The following GRIK4 variants were observed in gnomAD, a reference collection of about 807,000 sequenced individuals.
The protein encoded by GRIK4 is glutamate receptor ionotropic, kainate 4.
A neutral mutation model predicts 104.9 loss-of-function variants in GRIK4; 40 were observed. That is an observed-to-expected ratio of 0.38 (90% CI 0.30 to 0.50). GRIK4 has a LOEUF of 0.50. Ranked by LOEUF, GRIK4 falls within the 20% of genes least tolerant of loss-of-function variation. The pLI, the probability that GRIK4 is intolerant of heterozygous loss-of-function variation, is 0.93. For missense variants in GRIK4, 1,047 were observed against 1,308.1 expected (o/e 0.80, Z 3.08); for synonymous variants, 485 against 524.9 (o/e 0.92, Z 1.04).
At position 120,833,291 on chromosome 11, in the gene GRIK4, GACAC is replaced by G. The variant is rs35508124; in HGVS notation, c.690+1280_690+1283del. On this transcript the variant is annotated intron_variant, in intron 7 of 20. Coordinates refer to ENST00000527524, the MANE Select transcript of GRIK4 (RefSeq NM_014619.5). ...TCTTTCTCTCTCTCTCTTTCTCTCT[GACAC>G]ACACACACACACACACACGGAAACA... 6.0e-4 allele frequency among the ~76,000 whole-genome samples: 90 copies of G among 149,596 alleles called. 1 individual carries two copies. The highest frequency in any genetic ancestry group is 1.8e-3 in the African/African-American group (72 of 40,780).
At chr11:120,963,309 G>A (rs939495938) in intron 18 of GRIK4, among the ~76,000 whole-genome samples, 5 of 152,206 alleles carry the variant, frequency 3.3e-5, no homozygotes, top group African/African-American at 1.2e-4. Flanking sequence ...GGATAGAGAC[G>A]TTTGGCTTCC....
At position 120,947,077 on chromosome 11, in the gene GRIK4, A is replaced by G. The variant is rs575358234; in HGVS notation, c.1591-5778A>G. The stretch of plus-strand genomic sequence containing the variant: ...CTCTTAGCTAGAGTCTTCTTTCTCA[A>G]GAAAAAGAAAAATCAGACAGTGTTT... On this transcript the variant is annotated intron_variant, in intron 14 of 20. Transcript: ENST00000527524. Among the ~76,000 whole-genome samples the G allele has an allele frequency of 8.5e-5, 13 of 152,276 alleles. No individual in the cohort carries two copies. In the South Asian group the frequency reaches 2.7e-3, roughly 32 times the overall value.
At chr11:120,974,353 C>T (rs1485746316) in intron 19 of GRIK4, among the ~76,000 whole-genome samples, 3 of 152,068 alleles carry the variant, frequency 2.0e-5, no homozygotes, top group African/African-American at 4.8e-5. Context: ...TTGGCTTTCA[C>T]GTGTGCCTAA....
At chr11:120,891,120 G>A (rs1955277674) in intron 11 of GRIK4, among the ~76,000 whole-genome samples, 1 of 152,208 alleles carries the variant, frequency 6.6e-6, no homozygotes, top group African/African-American at 2.4e-5. Flanking sequence ...AGAGCTGTGA[G>A]CAGGCAGGAT....
intron 3 of GRIK4, among the ~76,000 whole-genome samples, chr11:120,730,878 A>G (rs1465158307): frequency 2.6e-5 from 4 of 152,196 alleles, no homozygotes; most frequent in Admixed American, 2.6e-4. Flanking sequence ...CAGTGCTGGC[A>G]TATAGAAATA....
rs139179030 is a variant in GRIK4, at chr11:120,761,980, G to A, written c.83-40713G>A. Among the ~76,000 whole-genome samples the A allele has an allele frequency of 5.7e-3, 864 of 152,186 alleles. 3 individuals carry two copies. Among genetic ancestry groups the A allele is most frequent in the Non-Finnish European group, 9.1e-3 (620 of 68,012 alleles). On this transcript the variant is annotated intron_variant, in intron 3 of 20. Transcript: ENST00000527524. ...ATTTAAAGTAATTTTTTCTAATTCT[G>A]TGAAGAAAGTCAATGGTGGCTTGAT...
chr11:120,527,415 A>G (rs1591674928), intron 1 of GRIK4, among the ~76,000 whole-genome samples: 1 of 152,286 alleles, frequency 6.6e-6, no homozygotes, highest in Non-Finnish European at 1.5e-5. Context: ...AAAACCCCTC[A>G]GGGCAGACCC....
At chr11:120,732,494 A>G (rs1349362696) in intron 3 of GRIK4, among the ~76,000 whole-genome samples, 3 of 152,136 alleles carry the variant, frequency 2.0e-5, no homozygotes, top group African/African-American at 7.2e-5. Context: ...TTATTTTTTA[A>G]TGAGGCACCT....
chr11:120,780,086 C>T (rs1952122726), intron 3 of GRIK4, among the ~76,000 whole-genome samples: 1 of 152,216 alleles, frequency 6.6e-6, no homozygotes, highest in Non-Finnish European at 1.5e-5. Flanking sequence ...CCTAGATTAT[C>T]ATGAGATACA....
intron 3 of GRIK4, among the ~76,000 whole-genome samples, chr11:120,755,986 G>A (rs916141249): frequency 7.9e-5 from 12 of 152,152 alleles, no homozygotes; most frequent in African/African-American, 2.9e-4. Context: ...TAGGACAGAG[G>A]TGTTCTGTCT....
intron 7 of GRIK4, 115 bp downstream of exon 7, chr11:120,832,145 A>C: frequency 1.6e-6 from 1 of 624,644 alleles, no homozygotes; most frequent in Non-Finnish European, 2.7e-6. Context: ...CTGAACTCTT[A>C]CAAACCTCTC....
intron 1 of GRIK4, among the ~76,000 whole-genome samples, chr11:120,516,665 A>AG (rs1376254195): frequency 6.6e-6 from 1 of 152,044 alleles, no homozygotes; most frequent in Non-Finnish European, 1.5e-5. Context: ...GTGAGGCGAA[A>AG]GGGGGGTAAG....
intron 8 of GRIK4, among the ~76,000 whole-genome samples, chr11:120,851,923 GC>G (rs1462682225): frequency 1.3e-5 from 2 of 152,230 alleles, no homozygotes; most frequent in Admixed American, 1.3e-4. Context: ...AGCTGGGGGT[GC>G]CTGGGATCTC....
At chr11:120,587,104 C>T (rs910633157) in intron 1 of GRIK4, among the ~76,000 whole-genome samples, 3 of 152,176 alleles carry the variant, frequency 2.0e-5, no homozygotes, top group Non-Finnish European at 4.4e-5. Context: ...GTCTCTTTCT[C>T]TCTCTGTATG....
chr11:120,753,816 A>G (rs2156763), intron 3 of GRIK4, among the ~76,000 whole-genome samples: 13,295 of 152,200 alleles, frequency 0.087, 1,318 homozygotes, highest in African/African-American at 0.25. Context: ...CATAACATAT[A>G]ATGCACCCAT....
At chr11:120,645,782 G>A (rs755171352) in intron 1 of GRIK4, among the ~76,000 whole-genome samples, 1 of 152,200 alleles carries the variant, frequency 6.6e-6, no homozygotes, top group African/African-American at 2.4e-5. Flanking sequence ...CCTGCTGGCT[G>A]GGTCGGCTGG....
rs1336852240 is a variant in GRIK4, at chr11:120,985,963, T to C, written c.2574T>C (p.Ser858=). The part of the protein sequence containing the change: ...ELRSIILCQD[S]IHPRRRRAAV... ...GCAGCATTATCCTGTGTCAGGACAG[T>C]ATCCACCCCCGCCGGCGGCGCGCCG... The change falls in exon 21 of 21, where the codon AGT becomes AGC. Residue 858 remains serine (S), a synonymous_variant. Transcript: ENST00000527524. 1 of 1,539,076 alleles carries C rather than the reference T, an allele frequency of 6.5e-7. No individual in the cohort carries two copies. Among genetic ancestry groups the C allele is most frequent in the South Asian group, 1.2e-5 (1 of 83,330 alleles).
chr11:120,862,195 C>T, intron 9 of GRIK4, 75 bp downstream of exon 9: 4 of 1,283,476 alleles, frequency 3.1e-6, no homozygotes, highest in Admixed American at 1.9e-5. Flanking sequence ...AACCCCTGGG[C>T]AACACATCTT....
intron 6 of GRIK4, among the ~76,000 whole-genome samples, chr11:120,826,223 T>C (rs1953255426): frequency 6.6e-6 from 1 of 152,256 alleles, no homozygotes; most frequent in Non-Finnish European, 1.5e-5. Context: ...CAAGGTCACA[T>C]GATTCCTGCT....
Sources: allele counts gnomAD v4.1 joint callset (sites outside exome capture counted in the v4.1 genomes callset), GRCh38; gene constraint gnomAD v4.1.1; transcripts MANE v1.5; gene names NCBI Gene and HGNC (gene_info 2026-07-23, HGNC 2026-07-21).